The following CPT1A variants were observed in gnomAD, a reference collection of about 807,000 sequenced individuals.
The protein encoded by CPT1A is carnitine O-palmitoyltransferase 1, liver isoform.
In CPT1A, 64 loss-of-function variants were observed where a neutral mutation model predicts 100.8. That is an observed-to-expected ratio of 0.63 (90% CI 0.52 to 0.78). The LOEUF is 0.78. Among genes scored for constraint, CPT1A ranks in the 30% least tolerant of loss-of-function variants. The probability of loss-of-function intolerance (pLI) is 0.00; values close to 1 mark genes in which losing one functional copy is unlikely to be tolerated. For synonymous variants in CPT1A, 363 were observed against 396.0 expected, an observed-to-expected ratio of 0.92 and a Z score of 0.99; for missense variants, 802 against 1,034.1, an observed-to-expected ratio of 0.78 and a Z score of 3.08.
chr11:68,837,523 C>T (rs1857038863), intron 1 of CPT1A, among the ~76,000 whole-genome samples: 2 of 152,158 alleles, frequency 1.3e-5, no homozygotes, highest in South Asian at 4.1e-4. Flanking sequence ...GTCTCGGGTC[C>T]AGATGTCCTC....
At chr11:68,763,122 T>G (rs558839156) in intron 14 of CPT1A, among the ~76,000 whole-genome samples, 1 of 152,348 alleles carries the variant, frequency 6.6e-6, no homozygotes, top group East Asian at 1.9e-4. Flanking sequence ...GTGCTGGGAT[T>G]ACAGGTGTGA....
At chr11:68,768,063 A>T (rs1594322228) in intron 14 of CPT1A, among the ~76,000 whole-genome samples, 1 of 95,594 alleles carries the variant, frequency 1.0e-5, no homozygotes, top group African/African-American at 5.0e-5. Context: ...TCTAGTTTCC[A>T]GTCTTTTTTT....
At chr11:68,762,062 C>A (rs947814502) in intron 15 of CPT1A, among the ~76,000 whole-genome samples, 1 of 152,234 alleles carries the variant, frequency 6.6e-6, no homozygotes, top group African/African-American at 2.4e-5. Flanking sequence ...CTGGGTCTGA[C>A]CTCGGCCATT....
intron 2 of CPT1A, 50 bp from the exon 3 acceptor site, chr11:68,812,626 G>A (rs375457624): frequency 1.4e-5 from 23 of 1,611,142 alleles, no homozygotes; most frequent in African/African-American, 9.4e-5. Context: ...CAACCCACAG[G>A]GCAATGACGC....
At chr11:68,825,928 C>T (rs1308565544) in intron 1 of CPT1A, among the ~76,000 whole-genome samples, 1 of 152,236 alleles carries the variant, frequency 6.6e-6, no homozygotes, top group Non-Finnish European at 1.5e-5. Context: ...GGCCAACCCA[C>T]CCCAGTGAGT....
At chr11:68,791,044 G>A (rs886466799) in intron 9 of CPT1A, among the ~76,000 whole-genome samples, 5 of 151,998 alleles carry the variant, frequency 3.3e-5, no homozygotes, top group Admixed American at 1.3e-4. Context: ...GGCTGGTGTC[G>A]AACTCCTGAC....
At position 68,778,207 on chromosome 11, in the gene CPT1A, G is replaced by A. The variant is rs569259490; in HGVS notation, c.1458+2433C>T. ...ACAATTAAAAGAGGTAGAGGAAGATGAGACAGGAGCCCCTAACCTAGTCTT... is the reference window on the plus strand; with the variant it reads ...ACAATTAAAAGAGGTAGAGGAAGATAAGACAGGAGCCCCTAACCTAGTCTT... On this transcript the variant is annotated intron_variant, in intron 12 of 18. Transcript: ENST00000265641. 7.2e-5 allele frequency among the ~76,000 whole-genome samples: 11 copies of A among 152,136 alleles called. No individual in the cohort carries two copies. The East Asian group carries it at 9.7e-4, about 13-fold the overall frequency.
chr11:68,804,250 A>C, intron 4 of CPT1A, 149 bp from the exon 5 acceptor site: 1 of 692,820 alleles, frequency 1.4e-6, no homozygotes, highest in South Asian at 1.5e-5. Flanking sequence ...TATGTTAAAG[A>C]TCCGAAGCCA....
In CPT1A at chr11:68,815,532, A is replaced by C. The variant is rs1856361490; in HGVS notation, c.-13-45T>G. ...ATGTAACACAGTGGAACGTGTGACC[A>C]GACACTAAAAAACCCTCATACAGAA... On this transcript the variant is annotated intron_variant, in intron 1 of 18. Coordinates refer to ENST00000265641, the MANE Select transcript of CPT1A (RefSeq NM_001876.4). 1.2e-5 allele frequency: 19 copies of C among 1,589,032 alleles called. No individual in the cohort carries two copies. The East Asian group carries it at 4.2e-4, about 35-fold the overall frequency.
chr11:68,839,289 T>C (rs925324894), intron 1 of CPT1A, among the ~76,000 whole-genome samples: 6 of 152,324 alleles, frequency 3.9e-5, no homozygotes, highest in South Asian at 4.1e-4. Flanking sequence ...GCAGCAAGTT[T>C]AATTGCTCGC....
At chr11:68,779,073 C>T (rs575222428) in intron 12 of CPT1A, among the ~76,000 whole-genome samples, 123 of 152,222 alleles carry the variant, frequency 8.1e-4, no homozygotes, top group Middle Eastern at 3.4e-3. Flanking sequence ...CGTGAGCCAC[C>T]GCGCCTGGCC....
At chr11:68,812,635 G>A (rs768636745) in intron 2 of CPT1A, 59 bp from the exon 3 acceptor site, 10 of 1,604,696 alleles carry the variant, frequency 6.2e-6, no homozygotes, top group Middle Eastern at 1.7e-4. Flanking sequence ...GGGCAATGAC[G>A]CTTCATGGCC....
At chr11:68,823,198 C>T (rs561095382) in intron 1 of CPT1A, among the ~76,000 whole-genome samples, 41 of 151,342 alleles carry the variant, frequency 2.7e-4, no homozygotes, top group Admixed American at 7.9e-4. Context: ...TGCAGTGAGC[C>T]GTGACTGCAC....
At chr11:68,781,017 A>C (rs1855295881) in intron 11 of CPT1A, among the ~76,000 whole-genome samples, 1 of 151,972 alleles carries the variant, frequency 6.6e-6, no homozygotes, top group African/African-American at 2.4e-5. Context: ...AACTGGGGAG[A>C]GGTGGGAGGC....
chr11:68,831,264 C>A (rs1302492654), intron 1 of CPT1A, among the ~76,000 whole-genome samples: 1 of 152,192 alleles, frequency 6.6e-6, no homozygotes, highest in Non-Finnish European at 1.5e-5. Flanking sequence ...TTTGAGCAAA[C>A]CTCCCCACTC....
At chr11:68,825,686 G>A (rs1223303518) in intron 1 of CPT1A, among the ~76,000 whole-genome samples, 4 of 137,638 alleles carry the variant, frequency 2.9e-5, no homozygotes, top group African/African-American at 1.1e-4. Flanking sequence ...CCTCCCTCCA[G>A]TGCCTGCCCC....
intron 14 of CPT1A, among the ~76,000 whole-genome samples, chr11:68,764,266 G>C (rs541744065): frequency 6.6e-6 from 1 of 152,208 alleles, no homozygotes; most frequent in Non-Finnish European, 1.5e-5. Context: ...AAGTGGGGAC[G>C]AGAAGGTGAT....
chr11:68,842,081 A>C (rs530119553), upstream of CPT1A: 38 of 537,012 alleles, frequency 7.1e-5, no homozygotes, highest in African/African-American at 6.8e-4. Context: ...AATGGGGTCT[A>C]GGACGAGATT....
At chr11:68,797,807 G>A (rs1419867564) in intron 6 of CPT1A, among the ~76,000 whole-genome samples, 5 of 151,980 alleles carry the variant, frequency 3.3e-5, no homozygotes, top group Admixed American at 6.6e-5. Flanking sequence ...ATGAAACCCC[G>A]TCTGTACTAA....
Sources: allele counts gnomAD v4.1 joint callset (sites outside exome capture counted in the v4.1 genomes callset), GRCh38; gene constraint gnomAD v4.1.1; transcripts MANE v1.5; gene names NCBI Gene and HGNC (gene_info 2026-07-23, HGNC 2026-07-21).